AKAP6: variants seen among roughly 807,000 people sequenced by gnomAD.
The protein encoded by AKAP6 is A-kinase anchoring protein 6, also known as A-kinase anchor protein 6.
AKAP6 carries 58 observed loss-of-function variants against 188.5 expected under a neutral mutation model. The ratio of observed to expected loss-of-function variants is 0.31; its 90% CI spans 0.25 to 0.38. AKAP6 has a LOEUF of 0.38. Among genes scored for constraint, AKAP6 ranks in the 10% least tolerant of loss-of-function variants. The probability of loss-of-function intolerance (pLI) is 1.00; values close to 1 mark genes in which losing one functional copy is unlikely to be tolerated. For synonymous variants in AKAP6, 989 were observed against 998.6 expected, an observed-to-expected ratio of 0.99 and a Z score of 0.18; for missense variants, 2,710 against 2,740.0, an observed-to-expected ratio of 0.99 and a Z score of 0.24.
intron 12 of AKAP6, among the ~76,000 whole-genome samples, chr14:32,776,210 C>A (rs907337107): frequency 6.6e-6 from 1 of 152,160 alleles, no homozygotes; most frequent in African/African-American, 2.4e-5. Flanking sequence ...TGTCCCCAAC[C>A]AAATCTCCTC....
At chr14:32,459,106 A>G (rs1010331942) in intron 2 of AKAP6, among the ~76,000 whole-genome samples, 2 of 152,214 alleles carry the variant, frequency 1.3e-5, no homozygotes, top group Non-Finnish European at 2.9e-5. Flanking sequence ...ATTATGCTAC[A>G]TGAAATAAGT....
chr14:32,543,813 C>T (rs559358818), intron 3 of AKAP6, among the ~76,000 whole-genome samples: 5 of 152,084 alleles, frequency 3.3e-5, no homozygotes, highest in Admixed American at 6.6e-5. Context: ...TCTTTTGGTC[C>T]AAGCTACTCT....
chr14:32,456,526 T>G (rs28504132), intron 2 of AKAP6, among the ~76,000 whole-genome samples: 53,542 of 152,164 alleles, frequency 0.35, 13,831 homozygotes, highest in African/African-American at 0.73. Flanking sequence ...ATAACAAAAA[T>G]ATTTAGCTGA....
At chr14:32,612,123 C>T (rs966729413) in intron 7 of AKAP6, among the ~76,000 whole-genome samples, 2 of 152,166 alleles carry the variant, frequency 1.3e-5, no homozygotes, top group African/African-American at 4.8e-5. Flanking sequence ...TGTGTGATCA[C>T]TGTGCCCTCT....
chr14:32,678,434 A>G lies in AKAP6; in HGVS notation c.2854A>G (p.Lys952Glu). 1.2e-6 allele frequency: 2 copies of G among 1,613,976 alleles called. No homozygotes were observed. Among genetic ancestry groups the G allele is most frequent in the African/African-American group, 1.3e-5 (1 of 75,048 alleles). Residue 952 changes from lysine to glutamate, a missense_variant, in exon 8 of 14, where the codon AAA becomes GAA. Transcript: ENST00000280979. ...KRKEEFADMS[K>E]VHSVGSNGLL... The stretch of plus-strand genomic sequence containing the variant: ...AAAGGAAGAGTTTGCTGATATGTCA[A>G]AAGTTCATTCAGTGGGAAGCAATGG...
intron 11 of AKAP6, among the ~76,000 whole-genome samples, chr14:32,757,415 C>A (rs17091659): frequency 0.011 from 1,666 of 152,160 alleles, 31 homozygotes; most frequent in African/African-American, 0.038. Context: ...CTTCTGAGAA[C>A]GCCTCACTCC....
chr14:32,555,103 A>G (rs1883632941), intron 4 of AKAP6, among the ~76,000 whole-genome samples: 1 of 152,214 alleles, frequency 6.6e-6, no homozygotes, highest in Non-Finnish European at 1.5e-5. Flanking sequence ...GTGCCAGCTA[A>G]GGATGTCCTT....
intron 12 of AKAP6, among the ~76,000 whole-genome samples, chr14:32,776,920 G>A (rs761552957): frequency 3.3e-5 from 5 of 152,104 alleles, no homozygotes; most frequent in East Asian, 1.9e-4. Context: ...AGGGCGCACC[G>A]GAGATATACA....
intron 1 of AKAP6, among the ~76,000 whole-genome samples, chr14:32,368,145 T>C (rs1887894221): frequency 6.6e-6 from 1 of 152,196 alleles, no homozygotes; most frequent in Non-Finnish European, 1.5e-5. Context: ...GTTAGCACTC[T>C]ATTAATCCTC....
chr14:32,740,511 A>T (rs1478681268), intron 11 of AKAP6, among the ~76,000 whole-genome samples: 1 of 152,098 alleles, frequency 6.6e-6, no homozygotes, highest in Non-Finnish European at 1.5e-5. Context: ...TTGAGGTCTT[A>T]GATTTAAGTC....
At chr14:32,567,631 A>C (rs1172225984) in intron 4 of AKAP6, among the ~76,000 whole-genome samples, 2 of 152,184 alleles carry the variant, frequency 1.3e-5, no homozygotes, top group Non-Finnish European at 2.9e-5. Context: ...CAACAACTCA[A>C]CAATCACATG....
At chr14:32,481,956 G>A (rs781144392) in intron 2 of AKAP6, among the ~76,000 whole-genome samples, 2 of 151,804 alleles carry the variant, frequency 1.3e-5, no homozygotes, top group African/African-American at 2.4e-5. Flanking sequence ...TGTTATGGGA[G>A]CTATACAATT....
intron 1 of AKAP6, among the ~76,000 whole-genome samples, chr14:32,396,974 T>C (rs1346145992): frequency 2.0e-5 from 3 of 152,132 alleles, no homozygotes; most frequent in Non-Finnish European, 2.9e-5. Flanking sequence ...TAATGTTGAA[T>C]AGGTGGAAAG....
rs3837670 is a variant in AKAP6 at position 32,331,692 on chromosome 14, G to GGT, written c.-35+2297_-35+2298dup. ...TTTAATATATCCCCAAGGGGTAGAT[G>GGT]GTGTGTGTGTGTGTATAGGGGAAGG... On this transcript the variant is annotated intron_variant, in intron 1 of 13. Transcript: ENST00000280979. Among the ~76,000 whole-genome samples, 165 of 151,726 alleles carry GGT rather than the reference G, an allele frequency of 1.1e-3. 3 individuals are homozygous for GGT. In the East Asian group the frequency reaches 0.027, roughly 25 times the overall value.
At chr14:32,646,106 A>C (rs1051324396) in intron 7 of AKAP6, among the ~76,000 whole-genome samples, 1 of 152,114 alleles carries the variant, frequency 6.6e-6, no homozygotes, top group African/African-American at 2.4e-5. Context: ...TGTTAAAGTC[A>C]TAGTTTTGAA....
At chr14:32,646,684 T>A (rs191245618) in intron 7 of AKAP6, among the ~76,000 whole-genome samples, 4 of 152,290 alleles carry the variant, frequency 2.6e-5, no homozygotes, top group Non-Finnish European at 5.9e-5. Context: ...GAACCTTCAA[T>A]GAATGTCATT....
At chr14:32,567,544 A>G (rs1416395412) in intron 4 of AKAP6, among the ~76,000 whole-genome samples, 3 of 152,168 alleles carry the variant, frequency 2.0e-5, no homozygotes, top group Non-Finnish European at 2.9e-5. Context: ...TTTTTTTCTA[A>G]AAATAATAAC....
chr14:32,720,449 A>G (rs904188032), intron 9 of AKAP6, among the ~76,000 whole-genome samples: 1 of 152,224 alleles, frequency 6.6e-6, no homozygotes, highest in Non-Finnish European at 1.5e-5. Context: ...GTTTTAGGCA[A>G]ATAGTAGTCT....
Position 32,722,833 on chromosome 14 carries a change from G to T in AKAP6, c.3001-9621G>T, listed in dbSNP as rs371968453. On this transcript the variant is annotated intron_variant, in intron 9 of 13. Transcript: ENST00000280979. The stretch of plus-strand genomic sequence containing the variant: ...GTGACCTAATTCTTCCTGGATGCTG[G>T]ACAAGAATTCAGGATGCACCGGGTG... Among the ~76,000 whole-genome samples, 4 of 152,190 alleles carry T rather than the reference G, an allele frequency of 2.6e-5. No individual in the cohort carries two copies. In the East Asian group the frequency reaches 7.7e-4, roughly 29 times the overall value.
Sources: gnomAD v4.1 joint callset for allele counts (sites outside exome capture counted in the v4.1 genomes callset) on GRCh38, gnomAD v4.1.1 for gene constraint, MANE v1.5 for transcripts, NCBI Gene and HGNC (gene_info 2026-07-23, HGNC 2026-07-21) for gene names.